The following SLC35F3 variants were observed in gnomAD, a reference collection of about 807,000 sequenced individuals.
The protein encoded by SLC35F3 is putative thiamine transporter SLC35F3.
SLC35F3 carries 25 observed loss-of-function variants against 49.9 expected under a neutral mutation model. That is an observed-to-expected ratio of 0.50 (90% CI 0.37 to 0.70). SLC35F3 has a LOEUF of 0.70. Ranked by LOEUF, SLC35F3 falls within the 30% of genes least tolerant of loss-of-function variation. The pLI is 0.00. For synonymous variants in SLC35F3, 275 were observed against 265.4 expected (o/e 1.04, Z -0.35); for missense variants, 525 against 639.8 (o/e 0.82, Z 1.94).
intron 6 of SLC35F3, among the ~76,000 whole-genome samples, 200 bp downstream of exon 6, chr1:234,319,143 G>A (rs188847590): frequency 6.6e-6 from 1 of 152,356 alleles, no homozygotes; most frequent in African/African-American, 2.4e-5. Context: ...AATCAGTGCA[G>A]TAGTCGCAGT....
At chr1:233,944,113 C>A (rs1304425493) in intron 2 of SLC35F3, among the ~76,000 whole-genome samples, 2 of 152,074 alleles carry the variant, frequency 1.3e-5, no homozygotes, top group Non-Finnish European at 2.9e-5. Flanking sequence ...ACAACCTAAC[C>A]TCATAACTAA....
chr1:233,992,463 G>A (rs953390997), intron 2 of SLC35F3, among the ~76,000 whole-genome samples: 1 of 152,148 alleles, frequency 6.6e-6, no homozygotes, highest in African/African-American at 2.4e-5. Flanking sequence ...TGTCAAGGGT[G>A]GAAATATTGA....
chr1:234,160,667 C>T (rs1666211395), intron 2 of SLC35F3, among the ~76,000 whole-genome samples: 2 of 152,306 alleles, frequency 1.3e-5, no homozygotes, highest in South Asian at 4.1e-4. Flanking sequence ...TCTTGAGGCT[C>T]TTGGTCCCAG....
At chr1:234,153,275 C>T (rs1386968550) in intron 2 of SLC35F3, among the ~76,000 whole-genome samples, 1 of 152,084 alleles carries the variant, frequency 6.6e-6, no homozygotes, top group East Asian at 1.9e-4. Flanking sequence ...CAGGCTCAGA[C>T]AGTATAGTGT....
At chr1:233,941,964 T>TTG (rs1662431673) in intron 2 of SLC35F3, among the ~76,000 whole-genome samples, 1 of 41,714 alleles carries the variant, frequency 2.4e-5, no homozygotes, top group Non-Finnish European at 4.2e-5. Flanking sequence ...GTTTTTTTGT[T>TTG]TTTTTTTTTT....
intron 2 of SLC35F3, among the ~76,000 whole-genome samples, chr1:234,143,613 C>T (rs1408317926): frequency 6.6e-6 from 1 of 152,036 alleles, no homozygotes; most frequent in Non-Finnish European, 1.5e-5. Context: ...TTTTTGATTC[C>T]ATGTATAAGT....
At chr1:234,225,913 G>C (rs1319898039) in intron 2 of SLC35F3, among the ~76,000 whole-genome samples, 2 of 152,218 alleles carry the variant, frequency 1.3e-5, no homozygotes. Context: ...GATGTTAAAT[G>C]AAAGAAGTCA....
intron 2 of SLC35F3, among the ~76,000 whole-genome samples, chr1:233,910,887 G>A (rs1661863528): frequency 6.6e-6 from 1 of 152,170 alleles, no homozygotes; most frequent in African/African-American, 2.4e-5. Flanking sequence ...AGAATGGAGA[G>A]AGGGTCAGTC....
chr1:234,119,996 G>A (rs1231048686), intron 2 of SLC35F3, among the ~76,000 whole-genome samples: 2 of 152,182 alleles, frequency 1.3e-5, no homozygotes, highest in African/African-American at 4.8e-5. Context: ...TGGCTTCATG[G>A]CACCTTCCAC....
At chr1:234,016,048 A>C (rs748335333) in intron 2 of SLC35F3, among the ~76,000 whole-genome samples, 14 of 152,238 alleles carry the variant, frequency 9.2e-5, no homozygotes, top group African/African-American at 2.4e-4. Flanking sequence ...GTTTTAAAAA[A>C]TGTTCCACAT....
chr1:234,072,908 A>G (rs997259370), intron 2 of SLC35F3, among the ~76,000 whole-genome samples: 1 of 152,156 alleles, frequency 6.6e-6, no homozygotes, highest in Non-Finnish European at 1.5e-5. Flanking sequence ...GAACTAACTT[A>G]GGTTTGAAAA....
At chr1:234,032,566 C>G (rs1363466412) in intron 2 of SLC35F3, among the ~76,000 whole-genome samples, 2 of 152,146 alleles carry the variant, frequency 1.3e-5, no homozygotes, top group African/African-American at 4.8e-5. Context: ...GCCTTTATGT[C>G]CTCATAGATT....
chr1:234,321,438 A>G (rs780650858), intron 7 of SLC35F3, among the ~76,000 whole-genome samples: 4 of 152,232 alleles, frequency 2.6e-5, no homozygotes, highest in African/African-American at 7.2e-5. Context: ...CAAAATGCAG[A>G]AAGCACCTGA....
At chr1:233,937,572 C>T (rs1430141317) in intron 2 of SLC35F3, among the ~76,000 whole-genome samples, 1 of 152,104 alleles carries the variant, frequency 6.6e-6, no homozygotes, top group African/African-American at 2.4e-5. Context: ...TACTAAAGTG[C>T]CCCACTGGAG....
chr1:234,274,094 G>A (rs1251318569), intron 3 of SLC35F3: 1 of 152,226 alleles, frequency 6.6e-6, no homozygotes, highest in African/African-American at 2.4e-5. Flanking sequence ...ATTGGGGTTA[G>A]CGAAATGTTG....
chr1:234,302,775 G>A (rs1668713148), intron 3 of SLC35F3, among the ~76,000 whole-genome samples: 1 of 152,088 alleles, frequency 6.6e-6, no homozygotes, highest in South Asian at 2.1e-4. Context: ...CTCTCTCTCT[G>A]TGGTTTTCAA....
chr1:234,007,992 A>G (rs796357297), intron 2 of SLC35F3, among the ~76,000 whole-genome samples: 2 of 152,198 alleles, frequency 1.3e-5, no homozygotes, highest in South Asian at 4.1e-4. Flanking sequence ...AGGAAAAATG[A>G]AGGTTAGTAA....
At chr1:234,164,187 T>C (rs1244397016) in intron 2 of SLC35F3, among the ~76,000 whole-genome samples, 1 of 151,258 alleles carries the variant, frequency 6.6e-6, no homozygotes, top group Non-Finnish European at 1.5e-5. Context: ...TCCCTTGCTT[T>C]TCTCTTTCTC....
intron 2 of SLC35F3, among the ~76,000 whole-genome samples, chr1:233,974,290 TTCTCCTTCCTCCGCCTCCTGAG>T (rs1663043124): frequency 6.9e-6 from 1 of 145,576 alleles, no homozygotes; most frequent in South Asian, 2.3e-4. Context: ...GTTCAAGCAA[TTCTCCTTCCTCCGCCTCCTGAG>T]TAGCTGGGAT....
Sources: gnomAD v4.1 joint callset for allele counts (sites outside exome capture counted in the v4.1 genomes callset) on GRCh38, gnomAD v4.1.1 for gene constraint, MANE v1.5 for transcripts, NCBI Gene and HGNC (gene_info 2026-07-23, HGNC 2026-07-21) for gene names.